The following STXBP5L variants were observed in gnomAD, a reference collection of about 807,000 sequenced individuals.
STXBP5L encodes syntaxin binding protein 5L.
STXBP5L carries 65 observed loss-of-function variants against 144.5 expected under a neutral mutation model. That is an observed-to-expected ratio of 0.45 (90% confidence interval 0.37 to 0.55). STXBP5L has a LOEUF of 0.55. Among genes scored for constraint, STXBP5L ranks in the 20% least tolerant of loss-of-function variants. The pLI is 0.00. For synonymous variants in STXBP5L, 505 were observed against 469.6 expected, an observed-to-expected ratio of 1.08 and a Z score of -0.97; for missense variants, 1,298 against 1,405.5, an observed-to-expected ratio of 0.92 and a Z score of 1.22.
intron 19 of STXBP5L, among the ~76,000 whole-genome samples, chr3:121,280,686 A>T (rs187638312): frequency 5.3e-5 from 8 of 151,886 alleles, no homozygotes; most frequent in African/African-American, 1.9e-4. Flanking sequence ...TTTTCTGTCC[A>T]TTGACAGTCC....
chr3:121,124,883 T>G (rs2044632945), intron 7 of STXBP5L, among the ~76,000 whole-genome samples: 1 of 152,134 alleles, frequency 6.6e-6, no homozygotes, highest in Non-Finnish European at 1.5e-5. Flanking sequence ...AGTAAAATGG[T>G]TGTTGCAGGT....
At chr3:121,289,821 A>G (rs2051362938) in intron 19 of STXBP5L, among the ~76,000 whole-genome samples, 1 of 152,208 alleles carries the variant, frequency 6.6e-6, no homozygotes, top group Non-Finnish European at 1.5e-5. Context: ...TTGGGTCAAC[A>G]ATGAAATCAA....
chr3:121,163,156 G>T (rs1265946944), intron 9 of STXBP5L, among the ~76,000 whole-genome samples: 1 of 152,154 alleles, frequency 6.6e-6, no homozygotes, highest in Non-Finnish European at 1.5e-5. Flanking sequence ...CAATAGCAAA[G>T]ACTTGGAACC....
chr3:121,092,354 C>T (rs926051127), intron 5 of STXBP5L, among the ~76,000 whole-genome samples: 1 of 152,040 alleles, frequency 6.6e-6, no homozygotes, highest in African/African-American at 2.4e-5. Flanking sequence ...CTATAAATTA[C>T]CTTGGGCAGT....
At chr3:120,975,517 T>C (rs960922330) in intron 3 of STXBP5L, among the ~76,000 whole-genome samples, 2 of 152,228 alleles carry the variant, frequency 1.3e-5, no homozygotes, top group African/African-American at 4.8e-5. Context: ...CCTCTTTTCC[T>C]AATTGAATAC....
chr3:120,940,753 A>C (rs967876899), intron 2 of STXBP5L, among the ~76,000 whole-genome samples: 2 of 151,698 alleles, frequency 1.3e-5, no homozygotes, highest in Admixed American at 1.3e-4. Context: ...GATATCCTTT[A>C]GGGGTTATGC....
At chr3:121,032,550 C>G (rs1157626447) in intron 3 of STXBP5L, among the ~76,000 whole-genome samples, 2 of 149,680 alleles carry the variant, frequency 1.3e-5, no homozygotes, top group Admixed American at 1.3e-4. Flanking sequence ...GCAATGGCAA[C>G]AAAAGCCAAA....
intron 4 of STXBP5L, among the ~76,000 whole-genome samples, chr3:121,043,778 T>C (rs528425736): frequency 3.3e-5 from 5 of 152,326 alleles, no homozygotes; most frequent in African/African-American, 4.8e-5. Context: ...TACTGTAAGA[T>C]ATTATTGAAT....
intron 3 of STXBP5L, among the ~76,000 whole-genome samples, chr3:121,014,057 G>A (rs1167950501): frequency 6.6e-6 from 1 of 152,014 alleles, no homozygotes; most frequent in African/African-American, 2.4e-5. Flanking sequence ...CATATAGTTT[G>A]AAGTCAGGTA....
At chr3:121,255,795 A>T (rs1311289517) in intron 16 of STXBP5L, among the ~76,000 whole-genome samples, 1 of 152,084 alleles carries the variant, frequency 6.6e-6, no homozygotes, top group Non-Finnish European at 1.5e-5. Context: ...TACTCTGCTT[A>T]TTCAAAAGAA....
chr3:121,219,046 T>C (rs2048893108), intron 10 of STXBP5L, among the ~76,000 whole-genome samples: 1 of 152,208 alleles, frequency 6.6e-6, no homozygotes, highest in African/African-American at 2.4e-5. Context: ...TACAACTATG[T>C]GTAAATTAAT....
At chr3:121,313,395 A>ACC (rs1258474076) in intron 19 of STXBP5L, among the ~76,000 whole-genome samples, 1 of 86,310 alleles carries the variant, frequency 1.2e-5, no homozygotes, top group African/African-American at 4.8e-5. Flanking sequence ...CGGGGGGCTG[A>ACC]CCCCCCACCT....
intron 24 of STXBP5L, among the ~76,000 whole-genome samples, 193 bp downstream of exon 24, chr3:121,413,516 A>G (rs13081748): frequency 0.59 from 89,914 of 151,722 alleles, 27,687 homozygotes; most frequent in East Asian, 0.89. Context: ...AAATAATAAG[A>G]AAGAGGGAGA....
intron 9 of STXBP5L, among the ~76,000 whole-genome samples, chr3:121,193,074 C>G (rs562606950): frequency 2.1e-5 from 3 of 142,410 alleles, no homozygotes; most frequent in Admixed American, 6.9e-5. Context: ...ATCTACCTAT[C>G]TGACAAAGGG....
Position 121,250,882 on chromosome 3 carries a change from C to T in STXBP5L, c.1441+119C>T, listed in dbSNP as rs2050006417. 4 of 775,678 alleles carry T rather than the reference C, an allele frequency of 5.2e-6. No homozygotes were observed. In the South Asian group the frequency reaches 5.7e-5, roughly 11 times the overall value. The allele number at this position is 775,678 out of a possible 1,614,324, so 48.0% of individuals were successfully genotyped here. ...ATATATTTTTAGCACACATATGTGG[C>T]TGTGTTACAAAAATCTATTACCTAC... On this transcript the variant is annotated intron_variant, in intron 15 of 26. Coordinates refer to ENST00000471454, the MANE Select transcript of STXBP5L (RefSeq NM_001308330.2).
chr3:121,285,926 G>C (rs1043846783), intron 19 of STXBP5L, among the ~76,000 whole-genome samples: 2 of 151,970 alleles, frequency 1.3e-5, no homozygotes, highest in African/African-American at 2.4e-5. Context: ...ACCACAGAGA[G>C]GTTAAATAAC....
At chr3:121,081,282 G>GT (rs1223574472) in intron 5 of STXBP5L, among the ~76,000 whole-genome samples, 1 of 151,794 alleles carries the variant, frequency 6.6e-6, no homozygotes, top group Non-Finnish European at 1.5e-5. Flanking sequence ...TCTTTGTGTT[G>GT]TTTTTTACCT....
intron 3 of STXBP5L, among the ~76,000 whole-genome samples, chr3:120,999,311 C>G (rs901605455): frequency 6.6e-6 from 1 of 152,122 alleles, no homozygotes; most frequent in Non-Finnish European, 1.5e-5. Context: ...CCTTGGCCTT[C>G]CAAAGTGCTG....
chr3:121,148,401 A>G (rs1465541664), intron 7 of STXBP5L, among the ~76,000 whole-genome samples: 1 of 152,138 alleles, frequency 6.6e-6, no homozygotes, highest in Non-Finnish European at 1.5e-5. Context: ...AAAATAGCTA[A>G]TAAGCAGCAT....
Sources: gnomAD v4.1 joint callset for allele counts (sites outside exome capture counted in the v4.1 genomes callset) on GRCh38, gnomAD v4.1.1 for gene constraint, MANE v1.5 for transcripts, NCBI Gene and HGNC (gene_info 2026-07-23, HGNC 2026-07-21) for gene names.